The following KCTD16 variants were observed in gnomAD, a reference collection of about 807,000 sequenced individuals.
KCTD16 encodes BTB/POZ domain-containing protein KCTD16.
In KCTD16, 13 loss-of-function variants were observed where a neutral mutation model predicts 33.2. The observed-to-expected ratio is 0.39, with a 90% CI of 0.25 to 0.62. The LOEUF (loss-of-function observed/expected upper bound fraction) is 0.62. KCTD16 is among the 20% of genes least tolerant of loss of function. KCTD16 has a pLI of 0.50. For synonymous variants in KCTD16, 197 were observed against 195.3 expected, an observed-to-expected ratio of 1.01 and a Z score of -0.07; for missense variants, 441 against 525.1, an observed-to-expected ratio of 0.84 and a Z score of 1.57.
intron 3 of KCTD16, among the ~76,000 whole-genome samples, chr5:144,275,545 G>A (rs1468753872): frequency 2.0e-5 from 3 of 152,142 alleles, no homozygotes; most frequent in Non-Finnish European, 4.4e-5. Flanking sequence ...GATCCCCATG[G>A]CAACAACACA....
chr5:144,430,511 C>A (rs1753434559), intron 3 of KCTD16, among the ~76,000 whole-genome samples: 1 of 152,120 alleles, frequency 6.6e-6, no homozygotes, highest in African/African-American at 2.4e-5. Context: ...ATTCACCTCT[C>A]TGGACCTCAA....
chr5:144,315,670 G>C (rs1347658877), intron 3 of KCTD16, among the ~76,000 whole-genome samples: 3 of 152,082 alleles, frequency 2.0e-5, no homozygotes, highest in Non-Finnish European at 4.4e-5. Context: ...GTACATGAGA[G>C]AACTGAGGGA....
chr5:144,347,406 C>A (rs1752831001), intron 3 of KCTD16, among the ~76,000 whole-genome samples: 1 of 152,148 alleles, frequency 6.6e-6, no homozygotes, highest in African/African-American at 2.4e-5. Context: ...ACCCGCCTGG[C>A]CAACATGGTG....
chr5:144,368,664 T>C (rs1751893856), intron 3 of KCTD16, among the ~76,000 whole-genome samples: 1 of 152,202 alleles, frequency 6.6e-6, no homozygotes, highest in Non-Finnish European at 1.5e-5. Flanking sequence ...ACACTGGACC[T>C]GGAGTTCTGA....
intron 3 of KCTD16, among the ~76,000 whole-genome samples, chr5:144,264,744 C>G (rs1298221178): frequency 6.6e-6 from 1 of 152,098 alleles, no homozygotes; most frequent in East Asian, 1.9e-4. Context: ...TGCACTCCAG[C>G]CTGGGTGATA....
chr5:144,395,301 C>T (rs572648834), intron 3 of KCTD16, among the ~76,000 whole-genome samples: 5 of 152,212 alleles, frequency 3.3e-5, no homozygotes, highest in Admixed American at 6.5e-5. Context: ...GCGATATGTC[C>T]GTGTCTGATA....
At chr5:144,398,113 C>T (rs1040236900) in intron 3 of KCTD16, among the ~76,000 whole-genome samples, 1 of 152,196 alleles carries the variant, frequency 6.6e-6, no homozygotes, top group Non-Finnish European at 1.5e-5. Context: ...AATACCACAA[C>T]TTAATGGACT....
At chr5:144,227,721 T>G (rs151177223) in intron 3 of KCTD16, among the ~76,000 whole-genome samples, 12 of 152,260 alleles carry the variant, frequency 7.9e-5, no homozygotes, top group African/African-American at 2.9e-4. Context: ...ATAATCCAGT[T>G]GAGAGGAGTG....
chr5:144,194,196 T>C (rs368622697), intron 2 of KCTD16, among the ~76,000 whole-genome samples: 13 of 152,058 alleles, frequency 8.5e-5, no homozygotes, highest in Admixed American at 6.5e-4. Context: ...CACTCAGATA[T>C]CCTTGTATAT....
rs1179809465 is a variant in KCTD16 at position 144,473,729 on chromosome 5, G to T, written c.902G>T (p.Gly301Val). Residue 301 changes from glycine (G) to valine (V), a missense_variant, in exon 4 of 4, where the codon GGG becomes GTG. Physicochemically the swap from Gly to Val is moderately radical, Grantham distance 109. Coordinates refer to ENST00000512467, the MANE Select transcript of KCTD16 (RefSeq NM_020768.4). ...AAGAATGGCAAAGGTGACAAAGAAG[G>T]GGAGAGCGGCACGTCTTGCAATGAC... Reference protein sequence around the residue: ...CCKNGKGDKEGESGTSCNDLS... With the variant: ...CCKNGKGDKEVESGTSCNDLS... 3.1e-6 allele frequency: 5 copies of T among 1,612,554 alleles called. No homozygotes were observed. Among genetic ancestry groups the T allele is most frequent in the Non-Finnish European group, 4.2e-6 (5 of 1,178,786 alleles).
chr5:144,281,086 G>T (rs926441367), intron 3 of KCTD16, among the ~76,000 whole-genome samples: 1 of 152,220 alleles, frequency 6.6e-6, no homozygotes, highest in African/African-American at 2.4e-5. Flanking sequence ...GGAGGCTGAA[G>T]CAGGAGAATG....
chr5:144,453,054 G>A (rs1243035040), intron 3 of KCTD16, among the ~76,000 whole-genome samples: 1 of 152,162 alleles, frequency 6.6e-6, no homozygotes, highest in African/African-American at 2.4e-5. Context: ...GTCCTGAGAA[G>A]CCCTTTCTTC....
Position 144,473,753 on chromosome 5 carries a change from A to G in KCTD16, c.926A>G (p.Asp309Gly). Reference sequence around the variant, plus strand: ...GGGGAGAGCGGCACGTCTTGCAATGACCTCTCCACATCTAGCTGCGACAGC... The same window carrying G: ...GGGGAGAGCGGCACGTCTTGCAATGGCCTCTCCACATCTAGCTGCGACAGC... The part of the protein sequence containing the change: ...KEGESGTSCN[D>G]LSTSSCDSQS... Residue 309 changes from aspartate to glycine, a missense_variant, in exon 4 of 4, where the codon GAC becomes GGC. By Grantham distance (94) the Asp-to-Gly change is moderately conservative. Around this residue, in one of 3 missense-constraint regions of KCTD16, gnomAD observed 355 missense variants for 413.0 expected, o/e 0.86. Transcript: ENST00000512467. 1.2e-6 allele frequency: 2 copies of G among 1,613,590 alleles called. No individual in the cohort carries two copies. Among genetic ancestry groups the G allele is most frequent in the Non-Finnish European group, 1.7e-6 (2 of 1,179,880 alleles).
At chr5:144,344,443 G>T (rs1034861318) in intron 3 of KCTD16, among the ~76,000 whole-genome samples, 4 of 148,644 alleles carry the variant, frequency 2.7e-5, no homozygotes, top group Admixed American at 1.3e-4. Context: ...GAAAATTTTC[G>T]CAACCTACTC....
intron 3 of KCTD16, among the ~76,000 whole-genome samples, chr5:144,299,230 C>T (rs1392175486): frequency 7.2e-6 from 1 of 138,236 alleles, no homozygotes; most frequent in Non-Finnish European, 1.5e-5. Context: ...AACACTTTGA[C>T]AAAAATCTTC....
intron 3 of KCTD16, among the ~76,000 whole-genome samples, chr5:144,391,361 C>A (rs990470231): frequency 6.6e-6 from 1 of 152,120 alleles, no homozygotes; most frequent in Non-Finnish European, 1.5e-5. Context: ...TTCTTTTGCC[C>A]GATCAATTCC....
At chr5:144,288,927 A>G (rs781208905) in intron 3 of KCTD16, among the ~76,000 whole-genome samples, 3 of 152,152 alleles carry the variant, frequency 2.0e-5, no homozygotes, top group Non-Finnish European at 2.9e-5. Flanking sequence ...GAGGCAGAAG[A>G]ATCACTTGAA....
chr5:144,355,762 A>G (rs886201822), intron 3 of KCTD16, among the ~76,000 whole-genome samples: 11 of 151,970 alleles, frequency 7.2e-5, no homozygotes, highest in African/African-American at 1.9e-4. Context: ...TGTTCAAGGC[A>G]TTCTCAGGGA....
chr5:144,278,216 C>A (rs902922191), intron 3 of KCTD16, among the ~76,000 whole-genome samples: 12 of 151,804 alleles, frequency 7.9e-5, no homozygotes, highest in African/African-American at 2.9e-4. Flanking sequence ...GAGGTGGAAA[C>A]TTTTTTTGTA....
Sources: allele counts gnomAD v4.1 joint callset (sites outside exome capture counted in the v4.1 genomes callset), GRCh38; gene constraint gnomAD v4.1.1; regional missense constraint gnomAD v4.1.1; transcripts MANE v1.5; gene names NCBI Gene and HGNC (gene_info 2026-07-23, HGNC 2026-07-21).